Variants in ZFPM1 observed in about 807,000 individuals in gnomAD.
The protein encoded by ZFPM1 is zinc finger protein ZFPM1.
ZFPM1 carries 28 observed loss-of-function variants against 46.3 expected under a neutral mutation model. The observed-to-expected ratio is 0.60, with a 90% CI of 0.45 to 0.83. The LOEUF (loss-of-function observed/expected upper bound fraction) is 0.83. Among genes scored for constraint, ZFPM1 ranks in the 40% least tolerant of loss-of-function variants. The probability of loss-of-function intolerance (pLI) is 0.00; values close to 1 mark genes in which losing one functional copy is unlikely to be tolerated. For synonymous variants in ZFPM1, 957 were observed against 675.9 expected (o/e 1.42, Z -6.45); for missense variants, 1,878 against 1,432.4 (o/e 1.31, Z -5.02).
At chr16:88,517,179 T>TGG (rs1911356746) in intron 4 of ZFPM1, among the ~76,000 whole-genome samples, 2 of 121,886 alleles carry the variant, frequency 1.6e-5, no homozygotes, top group East Asian at 2.5e-4. Context: ...GATGGATGGG[T>TGG]AGATGGATGG....
rs547007304 is a variant in ZFPM1, at chr16:88,535,142, A to G, written c.*163A>G. ...CGCCCGCCTGGACCCTTGGCACTTA[A>G]TAAAGAAGTTCAGTTTGATGAGCAT... On this transcript the variant is annotated 3_prime_UTR_variant, in exon 10 of 10. Transcript: ENST00000319555. 2.3e-6 allele frequency: 2 copies of G among 853,586 alleles called. No individual in the cohort carries two copies. The highest frequency in any genetic ancestry group is 3.1e-6 in the Non-Finnish European group (2 of 635,602). 52.9% of individuals were successfully genotyped at this position (853,586 alleles called of 1,614,324 possible). A position where few individuals can be genotyped will look rare whatever the true frequency, so the allele number is the denominator to read the frequency against.
chr16:88,535,293 G>A lies in ZFPM1; in HGVS notation c.*314G>A, dbSNP rs1913199358. On this transcript the variant is annotated 3_prime_UTR_variant, in exon 10 of 10. Transcript: ENST00000319555. ...GGCCCCTGCCGGAGTTACACCACTG[G>A]GTGCTAAGAGCTAGACCGAGCGTCA... 4.3e-6 allele frequency: 1 copy of A among 230,022 alleles called. No individual in the cohort carries two copies. Among genetic ancestry groups the A allele is most frequent in the Admixed American group, 5.8e-5 (1 of 17,314 alleles). 14.2% of individuals were successfully genotyped at this position (230,022 alleles called of 1,614,324 possible). A position where few individuals can be genotyped will look rare whatever the true frequency, so the allele number is the denominator to read the frequency against.
intron 1 of ZFPM1, among the ~76,000 whole-genome samples, chr16:88,485,305 C>T (rs551288158): frequency 2.0e-4 from 31 of 152,120 alleles, no homozygotes; most frequent in Non-Finnish European, 2.8e-4. Flanking sequence ...ACGGGGTCCG[C>T]GGCCCTTCTC....
intron 1 of ZFPM1, among the ~76,000 whole-genome samples, chr16:88,481,075 G>C (rs1908913474): frequency 6.6e-6 from 1 of 152,378 alleles, no homozygotes; most frequent in Admixed American, 6.5e-5. Context: ...CAATCAAATA[G>C]CTATTATGTT....
intron 1 of ZFPM1, among the ~76,000 whole-genome samples, chr16:88,464,989 A>G (rs1294887525): frequency 1.5e-5 from 2 of 134,610 alleles, no homozygotes; most frequent in Non-Finnish European, 3.1e-5. Context: ...AAGTGTCTGG[A>G]TTTCTTGATA....
chr16:88,498,620 C>T (rs929190552), intron 3 of ZFPM1, among the ~76,000 whole-genome samples: 2 of 151,886 alleles, frequency 1.3e-5, no homozygotes, highest in Non-Finnish European at 2.9e-5. Context: ...CTCGCTGAGC[C>T]GACGTTTGAG....
intron 4 of ZFPM1, among the ~76,000 whole-genome samples, chr16:88,523,951 A>C (rs901878943): frequency 6.6e-6 from 1 of 152,044 alleles, no homozygotes; most frequent in Non-Finnish European, 1.5e-5. Context: ...TCCACTCGGG[A>C]CCGCCACAGA....
chr16:88,530,164 CG>C (rs1912675558), intron 6 of ZFPM1, among the ~76,000 whole-genome samples: 1 of 152,134 alleles, frequency 6.6e-6, no homozygotes, highest in South Asian at 2.1e-4. Context: ...TCGGGGTGCC[CG>C]GGAGACCCAA....
intron 3 of ZFPM1, chr16:88,513,353 G>C (rs775927109): frequency 6.6e-6 from 1 of 152,290 alleles, no homozygotes; most frequent in Non-Finnish European, 1.5e-5. Flanking sequence ...GCCTCCCGGC[G>C]TATTTACATG....
Position 88,484,868 on chromosome 16 carries a change from G to A in ZFPM1, c.41-1071G>A, listed in dbSNP as rs116884016. ...GAGCAGCTGCCCCCGCACTTGGGCC[G>A]CGTGGCCTTGTCTCAGTCTGCCTTG... is the stretch of plus-strand genomic sequence containing the variant. On this transcript the variant is annotated intron_variant, in intron 1 of 9. Coordinates refer to ENST00000319555, the MANE Select transcript of ZFPM1 (RefSeq NM_153813.3). 8.6e-4 allele frequency among the ~76,000 whole-genome samples: 131 copies of A among 152,348 alleles called. No individual in the cohort carries two copies. In the East Asian group the frequency reaches 0.016, roughly 19 times the overall value.
In ZFPM1 at chr16:88,526,807, C is replaced by T. The variant is rs750754567; in HGVS notation, c.403-7C>T. On this transcript the variant is annotated splice_polypyrimidine_tract_variant and splice_region_variant and intron_variant, in intron 4 of 9. Transcript: ENST00000319555. The stretch of plus-strand genomic sequence containing the variant: ...CCTCCCCACGTGTTCCTACCCTCCC[C>T]CCCCAGAGCCCAGCCCTGACCCTGC... 1.6e-5 allele frequency: 25 copies of T among 1,543,198 alleles called. 1 individual carries two copies. The East Asian group carries it at 1.7e-4, about 11-fold the overall frequency.
chr16:88,525,685 G>A (rs75648910), intron 4 of ZFPM1, among the ~76,000 whole-genome samples: 4 of 152,252 alleles, frequency 2.6e-5, no homozygotes, highest in East Asian at 3.9e-4. Context: ...GAGGGGCAGC[G>A]GCGGTCACCC....
At chr16:88,492,602 T>C (rs902422980) in intron 3 of ZFPM1, among the ~76,000 whole-genome samples, 4 of 152,218 alleles carry the variant, frequency 2.6e-5, no homozygotes, top group Non-Finnish European at 5.9e-5. Context: ...ACAGGTATCC[T>C]GGGAAACCCC....
intron 1 of ZFPM1, among the ~76,000 whole-genome samples, chr16:88,462,582 G>C (rs1230764192): frequency 1.3e-5 from 2 of 152,216 alleles, no homozygotes; most frequent in African/African-American, 2.4e-5. Context: ...ACTGTCAGGG[G>C]TGTGGCTTCC....
At chr16:88,457,146 A>G (rs1907594455) in intron 1 of ZFPM1, among the ~76,000 whole-genome samples, 1 of 152,222 alleles carries the variant, frequency 6.6e-6, no homozygotes, top group African/African-American at 2.4e-5. Context: ...GGCAAGGGCC[A>G]TTTCCAGTTC....
chr16:88,467,765 C>T (rs1012871468), intron 1 of ZFPM1, among the ~76,000 whole-genome samples: 2 of 152,138 alleles, frequency 1.3e-5, no homozygotes, highest in Non-Finnish European at 2.9e-5. Flanking sequence ...GCCCCCACCC[C>T]CTAGTTCCAT....
chr16:88,503,772 C>T (rs1021899849), intron 3 of ZFPM1, among the ~76,000 whole-genome samples: 2 of 152,208 alleles, frequency 1.3e-5, no homozygotes, highest in South Asian at 2.1e-4. Flanking sequence ...GGGCTCACCC[C>T]GGGGCACAGG....
At chr16:88,520,308 G>C (rs1172357011) in intron 4 of ZFPM1, among the ~76,000 whole-genome samples, 1 of 150,572 alleles carries the variant, frequency 6.6e-6, no homozygotes, top group South Asian at 2.1e-4. Flanking sequence ...GGATGCGTGG[G>C]TGAGTGGGTG....
rs1251876606 is a variant in ZFPM1 at position 88,535,702 on chromosome 16, ATC to A, written c.*728_*729del. On this transcript the variant is annotated 3_prime_UTR_variant, in exon 10 of 10. Transcript: ENST00000319555. ...GGTCCTGATGCTCACTGGTGGGTGC[ATC>A]TCTCCCTCAGAGCCAGGGCTGAGGA... 6.6e-6 allele frequency: 1 copy of A among 152,320 alleles called. No homozygotes were observed. The highest frequency in any genetic ancestry group is 1.5e-5 in the Non-Finnish European group (1 of 68,110). 9.4% of individuals were successfully genotyped at this position (152,320 alleles called of 1,614,324 possible).
Sources: allele counts gnomAD v4.1 joint callset (sites outside exome capture counted in the v4.1 genomes callset), GRCh38; gene constraint gnomAD v4.1.1; transcripts MANE v1.5; gene names NCBI Gene and HGNC (gene_info 2026-07-23, HGNC 2026-07-21).